Variants in SUPT3H observed in about 807,000 individuals in gnomAD.
SUPT3H encodes the protein SPT3 homolog, SAGA and STAGA complex component.
SUPT3H carries 44 observed loss-of-function variants against 44.3 expected under a neutral mutation model. That is an observed-to-expected ratio of 0.99 (90% confidence interval 0.78 to 1.28). The LOEUF (loss-of-function observed/expected upper bound fraction) is 1.28. Among genes scored for constraint, SUPT3H ranks in the 50% most tolerant of loss-of-function variants. The probability of loss-of-function intolerance (pLI) is 0.00; values close to 1 mark genes in which losing one functional copy is unlikely to be tolerated. For synonymous variants in SUPT3H, 124 were observed against 125.6 expected (o/e 0.99, Z 0.09); for missense variants, 380 against 387.1 (o/e 0.98, Z 0.15).
chr6:44,895,525 C>T (rs1433968599), intron 10 of SUPT3H, among the ~76,000 whole-genome samples: 1 of 152,122 alleles, frequency 6.6e-6, no homozygotes, highest in Non-Finnish European at 1.5e-5. Flanking sequence ...TTTTGAGAGA[C>T]AGTCTCTGAG....
At chr6:45,246,117 T>C (rs1249906758) in intron 2 of SUPT3H, among the ~76,000 whole-genome samples, 2 of 152,092 alleles carry the variant, frequency 1.3e-5, no homozygotes, top group Non-Finnish European at 1.5e-5. Flanking sequence ...TTTAATTGGG[T>C]TGTTTGGGAG....
chr6:45,296,869 C>T (rs1045082174), intron 2 of SUPT3H, among the ~76,000 whole-genome samples: 2 of 150,252 alleles, frequency 1.3e-5, no homozygotes, highest in African/African-American at 4.9e-5. Flanking sequence ...ACCTGTGCCC[C>T]GTGGAGATCA....
intron 3 of SUPT3H, 54 bp from the exon 4 acceptor site, chr6:45,020,686 T>A: frequency 4.6e-6 from 6 of 1,294,950 alleles, no homozygotes; most frequent in Non-Finnish European, 5.6e-6. Flanking sequence ...TTATATATAG[T>A]ACAGTCATGA....
At chr6:44,968,474 G>T (rs1374525951) in intron 6 of SUPT3H, among the ~76,000 whole-genome samples, 2 of 152,088 alleles carry the variant, frequency 1.3e-5, no homozygotes, top group Non-Finnish European at 2.9e-5. Context: ...GGTTGCAGAG[G>T]CAATCCAGTA....
At chr6:44,978,622 TGGG>T (rs1778668577) in intron 6 of SUPT3H, among the ~76,000 whole-genome samples, 1 of 152,192 alleles carries the variant, frequency 6.6e-6, no homozygotes. Flanking sequence ...AGGCTTTAAG[TGGG>T]AACACAGTGT....
chr6:45,231,955 T>A (rs955547067), intron 2 of SUPT3H, among the ~76,000 whole-genome samples: 4 of 152,192 alleles, frequency 2.6e-5, no homozygotes, highest in Non-Finnish European at 4.4e-5. Context: ...TTTATGATTA[T>A]CTGTTTGATA....
chr6:45,294,485 T>C (rs1250414540), intron 2 of SUPT3H, among the ~76,000 whole-genome samples: 1 of 151,984 alleles, frequency 6.6e-6, no homozygotes, highest in African/African-American at 2.4e-5. Context: ...GCCAGAGCTA[T>C]CTGACAAGAG....
chr6:45,363,010 G>A (rs1563026209), intron 2 of SUPT3H, among the ~76,000 whole-genome samples: 1 of 151,694 alleles, frequency 6.6e-6, no homozygotes, highest in Non-Finnish European at 1.5e-5. Flanking sequence ...AGGTACATAG[G>A]TTTTTTATTT....
intron 10 of SUPT3H, among the ~76,000 whole-genome samples, chr6:44,860,794 A>G (rs1364795645): frequency 1.3e-5 from 2 of 152,236 alleles, no homozygotes; most frequent in Non-Finnish European, 2.9e-5. Flanking sequence ...AACCAATTCT[A>G]AAAGAATCTT....
chr6:45,315,922 C>CAGACAGACAGAT (rs1554339652), intron 2 of SUPT3H, among the ~76,000 whole-genome samples: 1 of 145,476 alleles, frequency 6.9e-6, no homozygotes, highest in Admixed American at 6.9e-5. Flanking sequence ...CTCAGATAGA[C>CAGACAGACAGAT]AGATAGATAG....
At chr6:44,888,565 AC>A (rs1762730378) in intron 10 of SUPT3H, among the ~76,000 whole-genome samples, 2 of 152,120 alleles carry the variant, frequency 1.3e-5, no homozygotes, top group South Asian at 2.1e-4. Flanking sequence ...AAATTCAACA[AC>A]CCTTCATGCT....
intron 10 of SUPT3H, among the ~76,000 whole-genome samples, chr6:44,917,061 G>A (rs1767927327): frequency 3.9e-5 from 6 of 152,152 alleles, no homozygotes; most frequent in Admixed American, 3.9e-4. Flanking sequence ...GGCTGAGGCG[G>A]GAGGATTGTT....
At chr6:45,241,768 T>C (rs937558211) in intron 2 of SUPT3H, among the ~76,000 whole-genome samples, 8 of 151,424 alleles carry the variant, frequency 5.3e-5, no homozygotes, top group African/African-American at 1.9e-4. Flanking sequence ...TGAAAGAGAG[T>C]TAACAGAAAT....
intron 2 of SUPT3H, among the ~76,000 whole-genome samples, chr6:45,267,021 T>C (rs1775368997): frequency 6.6e-6 from 1 of 152,124 alleles, no homozygotes; most frequent in Non-Finnish European, 1.5e-5. Flanking sequence ...CTTCAGCCTA[T>C]AAGTATAAGG....
chr6:44,843,522 C>A (rs200162507), intron 10 of SUPT3H, among the ~76,000 whole-genome samples: 1 of 151,950 alleles, frequency 6.6e-6, no homozygotes. Flanking sequence ...CTTACTGGAA[C>A]TAGAGAGTTT....
intron 2 of SUPT3H, among the ~76,000 whole-genome samples, chr6:45,362,433 CACA>C (rs1316398348): frequency 6.6e-6 from 1 of 152,108 alleles, no homozygotes; most frequent in Non-Finnish European, 1.5e-5. Flanking sequence ...ATTACTGTAA[CACA>C]AAATAAACAT....
chr6:44,917,008 C>G (rs1767915340), intron 10 of SUPT3H, among the ~76,000 whole-genome samples: 1 of 150,820 alleles, frequency 6.6e-6, no homozygotes, highest in Non-Finnish European at 1.5e-5. Flanking sequence ...AACAAAACTA[C>G]TTGGGCATGA....
intron 10 of SUPT3H, among the ~76,000 whole-genome samples, chr6:44,892,215 G>A (rs1224094822): frequency 1.3e-5 from 2 of 152,106 alleles, no homozygotes; most frequent in Non-Finnish European, 2.9e-5. Flanking sequence ...TGGAGACAGA[G>A]CTCTAAGGAG....
chr6:45,363,261 A>G (rs1012812685), intron 2 of SUPT3H, among the ~76,000 whole-genome samples: 4 of 152,218 alleles, frequency 2.6e-5, no homozygotes, highest in Non-Finnish European at 5.9e-5. Flanking sequence ...CAGCAAGTCC[A>G]TGGCCATAAT....
Sources: gnomAD v4.1 joint callset for allele counts (sites outside exome capture counted in the v4.1 genomes callset) on GRCh38, gnomAD v4.1.1 for gene constraint, MANE v1.5 for transcripts, NCBI Gene and HGNC (gene_info 2026-07-23, HGNC 2026-07-21) for gene names.